Variants in MRPS6 observed in about 807,000 individuals in gnomAD.
The protein encoded by MRPS6 is small ribosomal subunit protein bS6m.
Under a neutral mutation model 13.1 loss-of-function variants are expected in MRPS6, and 6 were observed. The observed-to-expected ratio is 0.46, with a 90% CI of 0.25 to 0.91. MRPS6 has a LOEUF of 0.91. Ranked by LOEUF, MRPS6 falls within the 40% of genes least tolerant of loss-of-function variation. The pLI is 0.18. For missense variants in MRPS6, 164 were observed against 155.6 expected (o/e 1.05, Z -0.29); for synonymous variants, 61 against 56.5 (o/e 1.08, Z -0.36).
intron 2 of MRPS6, among the ~76,000 whole-genome samples, chr21:34,130,526 T>C (rs1411421697): frequency 6.6e-6 from 1 of 152,160 alleles, no homozygotes; most frequent in Admixed American, 6.5e-5. Context: ...GGGCACAGTC[T>C]GTCTTGGGGA....
intron 1 of MRPS6, chr21:34,098,635 A>G (rs1979084097): frequency 1.0e-6 from 1 of 1,000,278 alleles, no homozygotes; most frequent in Non-Finnish European, 1.2e-6. Context: ...GATGGATAGC[A>G]TGTTTGAGAG....
chr21:34,104,567 G>T (rs912466475), intron 1 of MRPS6: 1 of 999,166 alleles, frequency 1.0e-6, no homozygotes, highest in Non-Finnish European at 1.2e-6. Flanking sequence ...TATATCTGGT[G>T]TAGACTAATA....
At chr21:34,075,855 G>A (rs541429124) in intron 1 of MRPS6, among the ~76,000 whole-genome samples, 108 of 152,286 alleles carry the variant, frequency 7.1e-4, no homozygotes, top group Admixed American at 5.1e-3. Flanking sequence ...GGGGGGAAAC[G>A]AATTTAAAAA....
chr21:34,088,239 A>AC (rs35893476), intron 1 of MRPS6, among the ~76,000 whole-genome samples: 152,323 of 152,324 alleles, frequency 1, 76,161 homozygotes, highest in Middle Eastern at 1. Context: ...TATAGAATAC[A>AC]CTTAAGACTT....
chr21:34,131,828 C>T (rs192011757), intron 2 of MRPS6, among the ~76,000 whole-genome samples: 89 of 152,300 alleles, frequency 5.8e-4, no homozygotes, highest in African/African-American at 1.8e-3. Context: ...CACAGGACTG[C>T]GGTGGAAGCC....
chr21:34,142,310 G>C, intron 2 of MRPS6, 98 bp from the exon 3 acceptor site: 2 of 1,317,394 alleles, frequency 1.5e-6, no homozygotes, highest in Non-Finnish European at 1.0e-6. Context: ...GTGTGTAGTT[G>C]ATGTCTGTCT....
chr21:34,100,074 T>C (rs1030620659), intron 1 of MRPS6: 2 of 996,880 alleles, frequency 2.0e-6, no homozygotes, highest in African/African-American at 3.5e-5. Flanking sequence ...GACATTAACA[T>C]GTGTATATTT....
At chr21:34,127,210 A>G (rs755188971) in intron 2 of MRPS6, among the ~76,000 whole-genome samples, 22 of 152,222 alleles carry the variant, frequency 1.4e-4, no homozygotes, top group Middle Eastern at 3.2e-3. Context: ...ACATATGTGT[A>G]TTATATATAG....
intron 2 of MRPS6, among the ~76,000 whole-genome samples, chr21:34,137,310 C>G (rs1158684651): frequency 1.3e-5 from 2 of 152,248 alleles, no homozygotes; most frequent in East Asian, 3.9e-4. Flanking sequence ...TACCCGTGAA[C>G]AAGATATACC....
rs1281582647 is a variant in MRPS6, at chr21:34,098,629, G to A, written c.45+24884G>A. 3.0e-6 allele frequency: 3 copies of A among 1,000,162 alleles called. No homozygotes were observed. In the African/African-American group the frequency reaches 5.2e-5, roughly 17 times the overall value. The allele number at this position is 1,000,162 out of a possible 1,614,324, so 62.0% of individuals were successfully genotyped here. A position where few individuals can be genotyped will look rare whatever the true frequency, so the allele number is the denominator to read the frequency against. ...GTCAATATAGTCTTTCTGTAGGATG[G>A]ATAGCATGTTTGAGAGGTGCCAAAC... On this transcript the variant is annotated intron_variant, in intron 1 of 2. Coordinates refer to ENST00000399312, the MANE Select transcript of MRPS6 (RefSeq NM_032476.4).
intron 1 of MRPS6, among the ~76,000 whole-genome samples, chr21:34,078,427 A>T (rs1454929699): frequency 2.0e-5 from 3 of 152,140 alleles, no homozygotes; most frequent in Non-Finnish European, 2.9e-5. Flanking sequence ...CTTCCTCACC[A>T]GATATGGTTT....
At chr21:34,135,824 T>C in intron 2 of MRPS6, 1 of 553,202 alleles carries the variant, frequency 1.8e-6, no homozygotes, top group South Asian at 1.8e-5. Flanking sequence ...TGCATTATCA[T>C]GGAGTTAGTG....
chr21:34,083,652 G>A (rs1303939055), intron 1 of MRPS6, among the ~76,000 whole-genome samples: 1 of 152,182 alleles, frequency 6.6e-6, no homozygotes, highest in African/African-American at 2.4e-5. Context: ...GAAAACAGTT[G>A]TATGAAGTAT....
At chr21:34,102,099 T>C (rs1344289429) in intron 1 of MRPS6, 1 of 1,000,020 alleles carries the variant, frequency 1.0e-6, no homozygotes, top group African/African-American at 1.7e-5. Context: ...GGGCTGCAAA[T>C]CTTTTTCTTC....
In MRPS6 at chr21:34,142,762, G is replaced by A; in HGVS notation, c.*162G>A. ...AGCCCTTGATCCCCTTTGCTTGCGA[G>A]AGGTGGGGAACTGCTCACTGACAGC... On this transcript the variant is annotated 3_prime_UTR_variant, in exon 3 of 3. Transcript: ENST00000399312. The A allele has an allele frequency of 1.3e-6, 1 of 768,828 alleles. No individual in the cohort carries two copies. The allele number at this position is 768,828 out of a possible 1,614,324, so 47.6% of individuals were successfully genotyped here. A position where few individuals can be genotyped will look rare whatever the true frequency, so the allele number is the denominator to read the frequency against.
At chr21:34,123,304 A>G (rs1463852947) in intron 1 of MRPS6, 1 of 152,112 alleles carries the variant, frequency 6.6e-6, no homozygotes, top group Non-Finnish European at 1.5e-5. Context: ...TTGATCCCCA[A>G]ATGAACCTCT....
chr21:34,142,776 C>T lies in MRPS6; in HGVS notation c.*176C>T. The T allele has an allele frequency of 5.0e-6, 3 of 600,904 alleles. No homozygotes were observed. Among genetic ancestry groups the T allele is most frequent in the Non-Finnish European group, 7.8e-6 (3 of 385,340 alleles). 37.2% of individuals were successfully genotyped at this position (600,904 alleles called of 1,614,324 possible). ...TTTGCTTGCGAGAGGTGGGGAACTG[C>T]TCACTGACAGCTTCTCTGTAACCTG... On this transcript the variant is annotated 3_prime_UTR_variant, in exon 3 of 3. Coordinates refer to ENST00000399312, the MANE Select transcript of MRPS6 (RefSeq NM_032476.4).
intron 1 of MRPS6, chr21:34,099,999 A>T: frequency 1.4e-6 from 1 of 692,832 alleles, no homozygotes; most frequent in Non-Finnish European, 1.8e-6. Context: ...GGACTGTCTT[A>T]AGCTAGCAAA....
chr21:34,102,929 T>C, intron 1 of MRPS6: 1 of 999,750 alleles, frequency 1.0e-6, no homozygotes, highest in South Asian at 4.7e-5. Flanking sequence ...CCAACCTAAT[T>C]TATCTTGGTA....
Sources: allele counts gnomAD v4.1 joint callset (sites outside exome capture counted in the v4.1 genomes callset), GRCh38; gene constraint gnomAD v4.1.1; transcripts MANE v1.5; gene names NCBI Gene and HGNC (gene_info 2026-07-23, HGNC 2026-07-21).